The following ADTRP variants were observed in gnomAD, a reference collection of about 807,000 sequenced individuals.
ADTRP encodes androgen dependent TFPI regulating protein.
ADTRP carries 20 observed loss-of-function variants against 27.0 expected under a neutral mutation model. That is an observed-to-expected ratio of 0.74 (90% confidence interval 0.52 to 1.08). The LOEUF (loss-of-function observed/expected upper bound fraction) is 1.08. Among genes scored for constraint, ADTRP ranks in the 50% least tolerant of loss-of-function variants. The pLI is 0.00. For synonymous variants in ADTRP, 101 were observed against 105.2 expected (o/e 0.96, Z 0.25); for missense variants, 251 against 275.0 (o/e 0.91, Z 0.62).
Position 11,714,342 on chromosome 6 carries a change from A to T in ADTRP, c.*136T>A. 8 of 1,006,172 alleles carry T rather than the reference A, an allele frequency of 8.0e-6. No individual in the cohort carries two copies. The highest frequency in any genetic ancestry group is 1.2e-5 in the Non-Finnish European group (8 of 688,502). The allele number at this position is 1,006,172 out of a possible 1,614,324, so 62.3% of individuals were successfully genotyped here. On this transcript the variant is annotated 3_prime_UTR_variant, in exon 6 of 6. Transcript: ENST00000414691. ...AAGCTACCTTCACGAACCTCTTATT[A>T]AATTTAAGTATCACTCTCTGTCCCT...
At chr6:11,723,959 C>A (rs1016527548) in intron 4 of ADTRP, among the ~76,000 whole-genome samples, 7 of 152,022 alleles carry the variant, frequency 4.6e-5, no homozygotes, top group African/African-American at 1.7e-4. Context: ...ACTAGGGAGG[C>A]GGAGGAAGAA....
intron 3 of ADTRP, among the ~76,000 whole-genome samples, chr6:11,753,380 T>G (rs1763115195): frequency 6.6e-6 from 1 of 152,196 alleles, no homozygotes. Flanking sequence ...GTTATATGCA[T>G]TGTGCTCTAA....
chr6:11,770,004 C>T (rs536439611), intron 1 of ADTRP: 6 of 1,551,506 alleles, frequency 3.9e-6, no homozygotes, highest in Admixed American at 3.9e-5. Context: ...CCCCGCCCAC[C>T]ACCATTTTAC....
rs1039230838 is a variant in ADTRP at position 11,735,648 on chromosome 6, G to A, written c.426C>T (p.Val142=). The part of the protein sequence containing the change: ...TFIFPITLAE[V]VLRPHSYPSK... ...ATGGATAGGAGTGAGGCCTGAGGACGACTTCAGCCAATGTGATGGGGAATA... is the reference window on the plus strand; with the variant it reads ...ATGGATAGGAGTGAGGCCTGAGGACAACTTCAGCCAATGTGATGGGGAATA... Residue 142 remains valine, a synonymous_variant, in exon 4 of 6, where the codon GTC becomes GTT. Coordinates refer to ENST00000414691, the MANE Select transcript of ADTRP (RefSeq NM_032744.4). 40 of 1,613,880 alleles carry A rather than the reference G, an allele frequency of 2.5e-5. No homozygotes were observed. The highest frequency in any genetic ancestry group is 1.6e-4 in the Middle Eastern group (1 of 6,084).
chr6:11,762,846 G>C (rs904390795), intron 3 of ADTRP, among the ~76,000 whole-genome samples: 2 of 152,164 alleles, frequency 1.3e-5, no homozygotes, highest in Non-Finnish European at 2.9e-5. Context: ...AGAGAAATAA[G>C]TCCCCCAGCT....
intron 3 of ADTRP, 62 bp downstream of exon 3, chr6:11,766,212 G>A: frequency 1.6e-6 from 2 of 1,245,990 alleles, no homozygotes; most frequent in Non-Finnish European, 2.3e-6. Context: ...ATAAGGCACT[G>A]TGGAGTTTTC....
At position 11,741,713 on chromosome 6, in the gene ADTRP, A is replaced by AT. The variant is rs71312624; in HGVS notation, c.391-6031dup. Among the ~76,000 whole-genome samples, 543 of 129,224 alleles carry AT rather than the reference A, an allele frequency of 4.2e-3. 6 individuals are homozygous for AT. The highest frequency in any genetic ancestry group is 0.016 in the African/African-American group (518 of 32,730). The allele number at this position is 129,224 out of a possible 152,430, so 84.8% of individuals were successfully genotyped here. A position where few individuals can be genotyped will look rare whatever the true frequency, so the allele number is the denominator to read the frequency against. On this transcript the variant is annotated intron_variant, in intron 3 of 5. Transcript: ENST00000414691. ...TGGATTCTATCCAGTTAAGGATAAG[A>AT]TTTTTTTTAAAAAAAAAAGATATGG... is the stretch of plus-strand genomic sequence containing the variant.
chr6:11,770,268 A>AG (rs1386164603), intron 1 of ADTRP, among the ~76,000 whole-genome samples: 1 of 152,154 alleles, frequency 6.6e-6, no homozygotes, highest in African/African-American at 2.4e-5. Flanking sequence ...GCTAGGGCCT[A>AG]GGGGTTGGGA....
intron 4 of ADTRP, among the ~76,000 whole-genome samples, chr6:11,724,948 G>A (rs1206048631): frequency 6.6e-6 from 1 of 152,212 alleles, no homozygotes; most frequent in Non-Finnish European, 1.5e-5. Context: ...CTGATCTCTT[G>A]TAGCAATTAG....
At chr6:11,773,945 T>G (rs1490457587) in intron 1 of ADTRP, among the ~76,000 whole-genome samples, 2 of 152,218 alleles carry the variant, frequency 1.3e-5, no homozygotes, top group African/African-American at 4.8e-5. Context: ...GTCCTTACCC[T>G]TTCAGCTATT....
rs986807609 is a variant in ADTRP at position 11,713,639 on chromosome 6, T to A, written c.*839A>T. The A allele has an allele frequency of 2.6e-5, 4 of 152,252 alleles. No individual in the cohort carries two copies. The highest frequency in any genetic ancestry group is 5.9e-5 in the Non-Finnish European group (4 of 68,054). 9.4% of individuals were successfully genotyped at this position (152,252 alleles called of 1,614,324 possible). The stretch of plus-strand genomic sequence containing the variant: ...AATCTCAACAGCCCTTATAATTCTA[T>A]CACTTCCCATCCAGATTCTTCTGCA... On this transcript the variant is annotated 3_prime_UTR_variant, in exon 6 of 6. Coordinates refer to ENST00000414691, the MANE Select transcript of ADTRP (RefSeq NM_032744.4).
chr6:11,717,046 C>T (rs556092396), intron 5 of ADTRP: 15 of 296,282 alleles, frequency 5.1e-5, no homozygotes, highest in South Asian at 1.7e-4. Flanking sequence ...GTTTCTATAA[C>T]GCATAGCTGG....
chr6:11,769,268 G>A (rs1763681575), intron 1 of ADTRP, among the ~76,000 whole-genome samples: 1 of 152,106 alleles, frequency 6.6e-6, no homozygotes, highest in African/African-American at 2.4e-5. Context: ...AAGAGGGGTG[G>A]TCTGGACTCT....
intron 5 of ADTRP, among the ~76,000 whole-genome samples, chr6:11,714,823 G>A (rs1301885668): frequency 6.6e-6 from 1 of 152,172 alleles, no homozygotes; most frequent in Non-Finnish European, 1.5e-5. Flanking sequence ...GTGTCTGCAG[G>A]CTACACACAA....
At chr6:11,724,002 G>C (rs1762105440) in intron 4 of ADTRP, among the ~76,000 whole-genome samples, 1 of 152,186 alleles carries the variant, frequency 6.6e-6, no homozygotes, top group African/African-American at 2.4e-5. Flanking sequence ...AGAGGTTGCA[G>C]TGATCCAAGA....
At chr6:11,763,847 GA>G (rs1387466772) in intron 3 of ADTRP, among the ~76,000 whole-genome samples, 2 of 152,218 alleles carry the variant, frequency 1.3e-5, no homozygotes, top group Non-Finnish European at 2.9e-5. Context: ...ATTTGGAGCA[GA>G]CACCAAAAGA....
chr6:11,769,316 G>A (rs1763683339), intron 1 of ADTRP, among the ~76,000 whole-genome samples: 1 of 152,120 alleles, frequency 6.6e-6, no homozygotes, highest in African/African-American at 2.4e-5. Context: ...CTAGAGCCTG[G>A]GGAGCTGGGC....
chr6:11,757,705 GGAAA>G (rs1763258265), intron 3 of ADTRP, among the ~76,000 whole-genome samples: 1 of 152,164 alleles, frequency 6.6e-6, no homozygotes, highest in Non-Finnish European at 1.5e-5. Context: ...CACAAACAGG[GGAAA>G]TGTCATGTGA....
intron 5 of ADTRP, among the ~76,000 whole-genome samples, chr6:11,722,763 C>T (rs1240004350): frequency 6.6e-6 from 1 of 152,076 alleles, no homozygotes; most frequent in Non-Finnish European, 1.5e-5. Context: ...AACGAGAAAG[C>T]TTAACTTACT....
Sources: gnomAD v4.1 joint callset for allele counts (sites outside exome capture counted in the v4.1 genomes callset) on GRCh38, gnomAD v4.1.1 for gene constraint, MANE v1.5 for transcripts, NCBI Gene and HGNC (gene_info 2026-07-23, HGNC 2026-07-21) for gene names.